The following COL1A1 variants were observed in gnomAD, a reference collection of about 807,000 sequenced individuals.
COL1A1 encodes collagen type I alpha 1 chain.
A neutral mutation model predicts 195.7 loss-of-function variants in COL1A1; 21 were observed. That is an observed-to-expected ratio of 0.11 (90% CI 0.08 to 0.15). The LOEUF (loss-of-function observed/expected upper bound fraction) is 0.15. COL1A1 is among the 10% of genes least tolerant of loss of function. The pLI, the probability that COL1A1 is intolerant of heterozygous loss-of-function variation, is 1.00. For synonymous variants in COL1A1, 749 were observed against 747.3 expected (o/e 1.00, Z -0.04); for missense variants, 1,365 against 2,051.0 (o/e 0.67, Z 6.46).
intron 25 of COL1A1, 51 bp downstream of exon 25, chr17:50,193,891 GT>G: frequency 6.6e-7 from 1 of 1,523,794 alleles, no homozygotes. Context: ...ACTCCTTCAA[GT>G]CTCAGGTGTG....
Position 50,194,908 on chromosome 17 carries a change from C to A in COL1A1, c.1354-80G>T. The A allele has an allele frequency of 2.7e-6, 4 of 1,506,222 alleles. No individual in the cohort carries two copies. The highest frequency in any genetic ancestry group is 3.7e-6 in the Non-Finnish European group (4 of 1,090,508). 93.3% of individuals were successfully genotyped at this position (1,506,222 alleles called of 1,614,324 possible). ...GCCTCAGAGCCGGCTGAGGCTGGGCCTCCAGTGTCAGGGGTTCCTGGGGGT... is the reference window on the plus strand; with the variant it reads ...GCCTCAGAGCCGGCTGAGGCTGGGCATCCAGTGTCAGGGGTTCCTGGGGGT... On this transcript the variant is annotated intron_variant, in intron 20 of 50. Transcript: ENST00000225964. The surrounding 1 kb of genome is among the most constrained non-coding windows in gnomAD (Gnocchi z 6.8).
chr17:50,199,191 AGG>A, intron 5 of COL1A1, 33 bp downstream of exon 5: 2 of 1,433,878 alleles, frequency 1.4e-6, no homozygotes, highest in Non-Finnish European at 9.2e-7. Flanking sequence ...AAAACAAAAC[AGG>A]GGAGAGTGGA....
In COL1A1 at chr17:50,188,007, T is replaced by C. The variant is rs765160822; in HGVS notation, c.3262-24A>G. On this transcript the variant is annotated intron_variant, in intron 44 of 50. Coordinates refer to ENST00000225964, the MANE Select transcript of COL1A1 (RefSeq NM_000088.4). The surrounding 1 kb of genome is among the most constrained non-coding windows in gnomAD (Gnocchi z 5.6). ...CCCTAGAAGAGAGAAAGGGACAAAC[T>C]GTCAGGCGGAAGTTCCATTGGCATC... is the stretch of plus-strand genomic sequence containing the variant. 8 of 1,613,968 alleles carry C rather than the reference T, an allele frequency of 5.0e-6. No homozygotes were observed. Among genetic ancestry groups the C allele is most frequent in the Non-Finnish European group, 6.8e-6 (8 of 1,179,886 alleles).
intron 25 of COL1A1, chr17:50,193,390 C>T (rs553051786): frequency 1.7e-5 from 7 of 407,830 alleles, no homozygotes; most frequent in Admixed American, 4.1e-5. Flanking sequence ...CCCCACGTGT[C>T]GGGGTGGAGG....
rs117746137 is a variant in COL1A1 at position 50,192,067 on chromosome 17, C to G, written c.1984-43G>C. 12,982 of 1,596,298 alleles carry G rather than the reference C, an allele frequency of 8.1e-3. 523 individuals carry two copies. The East Asian group carries it at 0.11, about 14-fold the overall frequency. On this transcript the variant is annotated intron_variant, in intron 29 of 50. Coordinates refer to ENST00000225964, the MANE Select transcript of COL1A1 (RefSeq NM_000088.4). ...AGGAACAGACAGTGAGCAAAACCCA[C>G]CTGGGGCCACTCTGCTGGAAAGCAC...
chr17:50,194,097 A>G lies in COL1A1; in HGVS notation c.1668+33T>C. On this transcript the variant is annotated intron_variant, in intron 24 of 50. Transcript: ENST00000225964. This position sits in a 1 kb window ranked among gnomAD's most constrained non-coding sequence, Gnocchi z 6.8. ...AGGACAGCAGGGAGGCAGACAGGAC[A>G]ATGGCAGGGGGTTCAGGGGGAGTGA... 6.2e-7 allele frequency: 1 copy of G among 1,611,246 alleles called. No homozygotes were observed.
rs1448237167 is a variant in COL1A1, at chr17:50,199,339, G to A, written c.370-12C>T. ...GGGCCTGCGGGTCCCTGCAGGGGGA[G>A]AGGGCGGGGCCGGGGTGAGCGTGGG... On this transcript the variant is annotated splice_polypyrimidine_tract_variant and intron_variant, in intron 4 of 50. Transcript: ENST00000225964. 1 of 1,577,908 alleles carries A rather than the reference G, an allele frequency of 6.3e-7. No homozygotes were observed. The highest frequency in any genetic ancestry group is 8.6e-7 in the Non-Finnish European group (1 of 1,161,668).
rs1376567031 is a variant in COL1A1 at position 50,196,290 on chromosome 17, C to T, written c.957+24G>A. On this transcript the variant is annotated intron_variant, in intron 14 of 50. Coordinates refer to ENST00000225964, the MANE Select transcript of COL1A1 (RefSeq NM_000088.4). The stretch of plus-strand genomic sequence containing the variant: ...GAGCCCCTTCCAGAGCTCAGGGATC[C>T]CCCAAGGGGCCAGGAGTACTTACAG... 3.7e-6 allele frequency: 6 copies of T among 1,607,560 alleles called. No individual in the cohort carries two copies. The Middle Eastern group carries it at 6.6e-4, about 177-fold the overall frequency.
rs755141494 is a variant in COL1A1 at position 50,199,963 on chromosome 17, G to A, written c.104-16C>T. 10 of 1,613,756 alleles carry A rather than the reference G, an allele frequency of 6.2e-6. No homozygotes were observed. The African/African-American group carries it at 1.1e-4, about 17-fold the overall frequency. ...ATTGGTGGGACTGGGACAGGCGGAA[G>A]AGGGGCGTTGTCAGTAGTGACTGCA... On this transcript the variant is annotated splice_polypyrimidine_tract_variant and intron_variant, in intron 1 of 50. Transcript: ENST00000225964.
In COL1A1 at chr17:50,188,045, G is replaced by C. The variant is rs1374840985; in HGVS notation, c.3261+51C>G. On this transcript the variant is annotated intron_variant, in intron 44 of 50. Coordinates refer to ENST00000225964, the MANE Select transcript of COL1A1 (RefSeq NM_000088.4). The surrounding 1 kb of genome is among the most constrained non-coding windows in gnomAD (Gnocchi z 5.6). ...TTCCATTGGCATCGAGTGGGGCACTGTCTGCATCTGTAGAGTTCTAAAGGC... is the reference window on the plus strand; with the variant it reads ...TTCCATTGGCATCGAGTGGGGCACTCTCTGCATCTGTAGAGTTCTAAAGGC... The C allele has an allele frequency of 1.2e-6, 2 of 1,613,262 alleles. No individual in the cohort carries two copies. The highest frequency in any genetic ancestry group is 2.7e-5 in the African/African-American group (2 of 74,916).
At position 50,190,258 on chromosome 17, in the gene COL1A1, C is replaced by G. The variant is rs1398676557; in HGVS notation, c.2451+69G>C. ...CCCTGAGGATGGCTGACGCCTTTGT[C>G]CTCATTCCGTCCCTCGAGGTCCCAG... On this transcript the variant is annotated intron_variant, in intron 35 of 50. Coordinates refer to ENST00000225964, the MANE Select transcript of COL1A1 (RefSeq NM_000088.4). The surrounding 1 kb of genome is among the most constrained non-coding windows in gnomAD (Gnocchi z 4.7). 10 of 1,333,112 alleles carry G rather than the reference C, an allele frequency of 7.5e-6. No individual in the cohort carries two copies. Among genetic ancestry groups the G allele is most frequent in the Non-Finnish European group, 1.1e-5 (10 of 923,612 alleles). 82.6% of individuals were successfully genotyped at this position (1,333,112 alleles called of 1,614,324 possible). A position where few individuals can be genotyped will look rare whatever the true frequency, so the allele number is the denominator to read the frequency against.
In COL1A1 at chr17:50,194,466, A is replaced by G; in HGVS notation, c.1516-19T>C. The G allele has an allele frequency of 1.2e-6, 2 of 1,613,810 alleles. No individual in the cohort carries two copies. The highest frequency in any genetic ancestry group is 1.7e-6 in the Non-Finnish European group (2 of 1,179,744). ...CGGGACCCTGGTTGGGGGAAGTCACAGGAACAGTTAGGGTCTCAAGTTTGT... is the reference window on the plus strand; with the variant it reads ...CGGGACCCTGGTTGGGGGAAGTCACGGGAACAGTTAGGGTCTCAAGTTTGT... On this transcript the variant is annotated intron_variant, in intron 22 of 50. Transcript: ENST00000225964. This position sits in a 1 kb window ranked among gnomAD's most constrained non-coding sequence, Gnocchi z 6.8.
In COL1A1 at chr17:50,185,276, TG is replaced by T. The variant is rs1906385488; in HGVS notation, c.*225del. 4.3e-5 allele frequency: 14 copies of T among 327,386 alleles called. No homozygotes were observed. The highest frequency in any genetic ancestry group is 1.6e-4 in the South Asian group (2 of 12,778). 20.3% of individuals were successfully genotyped at this position (327,386 alleles called of 1,614,324 possible). On this transcript the variant is annotated 3_prime_UTR_variant, in exon 51 of 51. Coordinates refer to ENST00000225964, the MANE Select transcript of COL1A1 (RefSeq NM_000088.4). ...TTTATTCTTTTTTTTTTTTTTTTTTTGGTAAGGTTGAATGCACTTTTGGTTT... is the reference window on the plus strand; with the variant it reads ...TTTATTCTTTTTTTTTTTTTTTTTTTGTAAGGTTGAATGCACTTTTGGTTT...
In COL1A1 at chr17:50,194,875, C is replaced by A; in HGVS notation, c.1354-47G>T. 1 of 1,558,936 alleles carries A rather than the reference C, an allele frequency of 6.4e-7. No homozygotes were observed. Among genetic ancestry groups the A allele is most frequent in the Non-Finnish European group, 8.8e-7 (1 of 1,142,768 alleles). On this transcript the variant is annotated intron_variant, in intron 20 of 50. Transcript: ENST00000225964. This position sits in a 1 kb window ranked among gnomAD's most constrained non-coding sequence, Gnocchi z 6.8. ...AGGCGGCCTGTGGTGAGGGGCCATC[C>A]TGTGCCAGCCTCAGAGCCGGCTGAG...
Position 50,186,336 on chromosome 17 carries a change from C to T in COL1A1, c.3986G>A (p.Ser1329Asn), listed in dbSNP as rs1906518508. 1 of 1,614,228 alleles carries T rather than the reference C, an allele frequency of 6.2e-7. No individual in the cohort carries two copies. The part of the protein sequence containing the change: ...KDKRHVWFGE[S>N]MTDGFQFEYG... ...ACGCACCTGGAATCCATCGGTCATG[C>T]TCTCGCCGAACCAGACATGCCTCTT... is the stretch of plus-strand genomic sequence containing the variant. Residue 1329 changes from serine to asparagine, a missense_variant, in exon 49 of 51, where the codon AGC (serine) becomes AAC (asparagine). Coordinates refer to ENST00000225964, the MANE Select transcript of COL1A1 (RefSeq NM_000088.4). This position sits in a 1 kb window ranked among gnomAD's most constrained non-coding sequence, Gnocchi z 5.3.
chr17:50,199,468 G>T lies in COL1A1; in HGVS notation c.334-15C>A. 1 of 1,614,200 alleles carries T rather than the reference G, an allele frequency of 6.2e-7. No individual in the cohort carries two copies. Among genetic ancestry groups the T allele is most frequent in the Non-Finnish European group, 8.5e-7 (1 of 1,180,018 alleles). ...CCCTTGGGTCCCTGTGGGATTGGGG[G>T]AGAAGAAACAAGAGGCCAGGTTAGA... On this transcript the variant is annotated splice_polypyrimidine_tract_variant and intron_variant, in intron 3 of 50. Coordinates refer to ENST00000225964, the MANE Select transcript of COL1A1 (RefSeq NM_000088.4).
In COL1A1 at chr17:50,194,950, C is replaced by A. The variant is rs1243306648; in HGVS notation, c.1353+97G>T. 1.4e-6 allele frequency: 2 copies of A among 1,477,780 alleles called. No individual in the cohort carries two copies. Among genetic ancestry groups the A allele is most frequent in the Admixed American group, 1.7e-5 (1 of 59,550 alleles). 91.5% of individuals were successfully genotyped at this position (1,477,780 alleles called of 1,614,324 possible). A position where few individuals can be genotyped will look rare whatever the true frequency, so the allele number is the denominator to read the frequency against. On this transcript the variant is annotated intron_variant, in intron 20 of 50. Coordinates refer to ENST00000225964, the MANE Select transcript of COL1A1 (RefSeq NM_000088.4). The surrounding 1 kb of genome is among the most constrained non-coding windows in gnomAD (Gnocchi z 6.8). ...CCTGGGGGTGTGGCAGGGACTCCCC[C>A]AGAAGACTAGGGGCTCCTCTTCCTT...
rs1001739152 is a variant in COL1A1, at chr17:50,194,704, C to G, written c.1461+17G>C. On this transcript the variant is annotated intron_variant, in intron 21 of 50. Coordinates refer to ENST00000225964, the MANE Select transcript of COL1A1 (RefSeq NM_000088.4). This position sits in a 1 kb window ranked among gnomAD's most constrained non-coding sequence, Gnocchi z 6.8. ...GCAATGAGGGTGGAGCGGGAGGGGG[C>G]GGGCAGGGACACTTACACGCTCGCC... is the stretch of plus-strand genomic sequence containing the variant. 1.9e-6 allele frequency: 3 copies of G among 1,560,460 alleles called. No homozygotes were observed. In the South Asian group the frequency reaches 3.5e-5, roughly 18 times the overall value.
Position 50,191,676 on chromosome 17 carries a change from A to AC in COL1A1, c.2127+111dup, listed in dbSNP as rs1209782744. On this transcript the variant is annotated intron_variant, in intron 31 of 50. Transcript: ENST00000225964. The stretch of plus-strand genomic sequence containing the variant: ...GCCCCTGCCCTGGTCTTTTCCCCCC[A>AC]CCCCACACCCTATCTCCATGGCTTT... The AC allele has an allele frequency of 2.3e-6, 3 of 1,279,520 alleles. No homozygotes were observed. In the African/African-American group the frequency reaches 4.4e-5, roughly 19 times the overall value. The allele number at this position is 1,279,520 out of a possible 1,614,324, so 79.3% of individuals were successfully genotyped here. A position where few individuals can be genotyped will look rare whatever the true frequency, so the allele number is the denominator to read the frequency against.
Sources: gnomAD v4.1 joint callset for allele counts on GRCh38, gnomAD v4.1.1 for gene constraint, Gnocchi (gnomAD v3.1) non-coding constraint, MANE v1.5 for transcripts, NCBI Gene and HGNC (gene_info 2026-07-23, HGNC 2026-07-21) for gene names.